The following ZMYM1 variants were observed in gnomAD, a reference collection of about 807,000 sequenced individuals.
ZMYM1 encodes the protein zinc finger MYM-type containing 1.
ZMYM1 carries 39 observed loss-of-function variants against 60.0 expected under a neutral mutation model. That is an observed-to-expected ratio of 0.65 (90% CI 0.50 to 0.85). ZMYM1 has a LOEUF of 0.85. ZMYM1 is among the 40% of genes least tolerant of loss of function. ZMYM1 has a pLI of 0.00. For missense variants in ZMYM1, 1,171 were observed against 1,309.5 expected (o/e 0.89, Z 1.63); for synonymous variants, 413 against 454.0 (o/e 0.91, Z 1.15).
At chr1:35,073,964 T>C (rs1386855641) in intron 1 of ZMYM1, among the ~76,000 whole-genome samples, 1 of 152,118 alleles carries the variant, frequency 6.6e-6, no homozygotes, top group Admixed American at 6.6e-5. Context: ...TTTTCTGTAT[T>C]TTTAGTAGAG....
upstream of ZMYM1, among the ~76,000 whole-genome samples, chr1:35,077,641 G>GC (rs1386721459): frequency 6.6e-6 from 1 of 151,900 alleles, no homozygotes; most frequent in African/African-American, 2.4e-5. Context: ...TGATCTTGTG[G>GC]CCCCCACCAG....
rs548385771 is a variant in ZMYM1 at position 35,096,946 on chromosome 1, C to T, written c.170-371C>T. On this transcript the variant is annotated intron_variant, in intron 3 of 9. Coordinates refer to ENST00000359858, the MANE Select transcript of ZMYM1 (RefSeq NM_024772.5). ...TAAACTCGTGATCCACCCACCTTGC[C>T]TCCCAAAATGCTGGGATTACAGGCG... Among the ~76,000 whole-genome samples the T allele has an allele frequency of 6.6e-5, 10 of 152,332 alleles. No homozygotes were observed. The South Asian group carries it at 2.1e-3, about 32-fold the overall frequency.
At chr1:35,101,567 G>A (rs1347679089) in intron 4 of ZMYM1, among the ~76,000 whole-genome samples, 1 of 150,664 alleles carries the variant, frequency 6.6e-6, no homozygotes, top group Non-Finnish European at 1.5e-5. Flanking sequence ...TATTCTGTCT[G>A]AAAGGTATGC....
At chr1:35,085,050 G>T (rs990160226) in intron 1 of ZMYM1, among the ~76,000 whole-genome samples, 5 of 151,692 alleles carry the variant, frequency 3.3e-5, no homozygotes, top group Non-Finnish European at 4.4e-5. Flanking sequence ...TTTTGTTTTG[G>T]TTTGGTTTTT....
chr1:35,109,867 C>T (rs1644026106), intron 6 of ZMYM1, among the ~76,000 whole-genome samples: 1 of 152,136 alleles, frequency 6.6e-6, no homozygotes, highest in African/African-American at 2.4e-5. Context: ...CTGCCTCAGC[C>T]TCCTGAGTAA....
Position 35,086,982 on chromosome 1 carries a change from C to CTTTTTTT in ZMYM1, c.-74-6912_-74-6906dup, listed in dbSNP as rs1184601007. 2.9e-4 allele frequency among the ~76,000 whole-genome samples: 29 copies of CTTTTTTT among 100,112 alleles called. 2 individuals are homozygous for CTTTTTTT. The highest frequency in any genetic ancestry group is 1.3e-3 in the African/African-American group (29 of 21,620). The allele number at this position is 100,112 out of a possible 152,430, so 65.7% of individuals were successfully genotyped here. A position where few individuals can be genotyped will look rare whatever the true frequency, so the allele number is the denominator to read the frequency against. Reference sequence around the variant, plus strand: ...ACAGGCATGAGCCACCGCACCCAGCCTTTTTTTTTTTTTTTTTTTTTTTTT... The same window carrying CTTTTTTT: ...ACAGGCATGAGCCACCGCACCCAGCCTTTTTTTTTTTTTTTTTTTTTTTTTTTTTTTT... On this transcript the variant is annotated intron_variant, in intron 1 of 9. Transcript: ENST00000359858.
chr1:35,115,243 A>T lies in ZMYM1; in HGVS notation c.3413A>T (p.Gln1138Leu). The T allele has an allele frequency of 1.3e-6, 2 of 1,588,698 alleles. No individual in the cohort carries two copies. The highest frequency in any genetic ancestry group is 1.7e-6 in the Non-Finnish European group (2 of 1,171,732). The change falls in exon 10 of 10, where the codon CAG becomes CTG. Residue 1138 changes from glutamine (Q) to leucine (L), a missense_variant. Physicochemically the swap from Gln to Leu is moderately radical, Grantham distance 113. Transcript: ENST00000359858. The part of the protein sequence containing the change: ...LNEIVEKFIS[Q>L]MKEI ...GAAATTGTGGAAAAGTTTATCAGTC[A>T]GATGAAAGAAATATAATACATGCTC... is the stretch of plus-strand genomic sequence containing the variant.
At chr1:35,073,931 G>A (rs149807104) in intron 1 of ZMYM1, among the ~76,000 whole-genome samples, 65 of 152,182 alleles carry the variant, frequency 4.3e-4, no homozygotes, top group African/African-American at 1.4e-3. Flanking sequence ...TTACAAGTGT[G>A]CGCTATCATG....
At chr1:35,091,395 A>G (rs1642993719) in intron 1 of ZMYM1, among the ~76,000 whole-genome samples, 1 of 151,972 alleles carries the variant, frequency 6.6e-6, no homozygotes, top group Admixed American at 6.6e-5. Context: ...TTGTATTTTT[A>G]GTAGAGACGG....
In ZMYM1 at chr1:35,113,687, T is replaced by G. The variant is rs997560119; in HGVS notation, c.1857T>G (p.Ser619Arg). ...TCTATAACAGTACACAAATTCAAAG[T>G]GATATTATCGAAATAATAAAGACTG... Reference protein sequence around the residue: ...VDFYNSTQIQSDIIEIIKTEM... With the variant: ...VDFYNSTQIQRDIIEIIKTEM... Residue 619 changes from serine to arginine, a missense_variant, in exon 10 of 10, where the codon AGT (serine) becomes AGG (arginine). Transcript: ENST00000359858. 1 of 1,613,420 alleles carries G rather than the reference T, an allele frequency of 6.2e-7. No individual in the cohort carries two copies. Among genetic ancestry groups the G allele is most frequent in the African/African-American group, 1.3e-5 (1 of 74,894 alleles).
At chr1:35,107,377 G>T (rs1643927404) in intron 6 of ZMYM1, among the ~76,000 whole-genome samples, 1 of 151,342 alleles carries the variant, frequency 6.6e-6, no homozygotes, top group African/African-American at 2.4e-5. Flanking sequence ...GCTGAGGCAG[G>T]AGAATGGCAT....
chr1:35,068,593 G>C (rs188255643), intron 1 of ZMYM1, among the ~76,000 whole-genome samples: 1 of 149,750 alleles, frequency 6.7e-6, no homozygotes, highest in African/African-American at 2.4e-5. Context: ...TGAAGAGACA[G>C]CAGACTTTTC....
Position 35,114,799 on chromosome 1 carries a change from A to G in ZMYM1, c.2969A>G (p.Lys990Arg). ...TGTTTTTCGGAGTTTGATTATTGCA[A>G]AATAAAGCAAATTTCAGAACTGTTA... ...KLCFSEFDYC[K>R]IKQISELLFK... Residue 990 changes from lysine (K) to arginine (R), a missense_variant, in exon 10 of 10, where the codon AAA becomes AGA. By Grantham distance (26) the Lys-to-Arg change is conservative. Coordinates refer to ENST00000359858, the MANE Select transcript of ZMYM1 (RefSeq NM_024772.5). 6.2e-7 allele frequency: 1 copy of G among 1,606,884 alleles called. No homozygotes were observed. Among genetic ancestry groups the G allele is most frequent in the Non-Finnish European group, 8.5e-7 (1 of 1,176,546 alleles).
At position 35,094,100 on chromosome 1, in the gene ZMYM1, A is replaced by G. The variant is rs1643178698; in HGVS notation, c.96+17A>G. ...AATGCTCAAGTAAATATTTTCCCTT[A>G]TTTCCATTATTTCTAGAGCAGCATT... On this transcript the variant is annotated intron_variant, in intron 2 of 9. Transcript: ENST00000359858. 6.3e-7 allele frequency: 1 copy of G among 1,590,030 alleles called. No individual in the cohort carries two copies. Among genetic ancestry groups the G allele is most frequent in the East Asian group, 2.2e-5 (1 of 44,534 alleles).
chr1:35,081,015 C>G (rs1382854034), intron 1 of ZMYM1, among the ~76,000 whole-genome samples: 3 of 151,982 alleles, frequency 2.0e-5, no homozygotes, highest in Non-Finnish European at 2.9e-5. Context: ...GCGATCTCAG[C>G]TCACTGCAAC....
At chr1:35,067,219 T>C (rs1180760899) in intron 1 of ZMYM1, among the ~76,000 whole-genome samples, 1 of 152,102 alleles carries the variant, frequency 6.6e-6, no homozygotes, top group African/African-American at 2.4e-5. Flanking sequence ...CCTCAAGTGA[T>C]CTGTCCACCT....
intron 1 of ZMYM1, among the ~76,000 whole-genome samples, chr1:35,061,820 T>TTATTTTTATTTATTTATTTA (rs1553135395): frequency 1.4e-5 from 2 of 145,574 alleles, no homozygotes; most frequent in African/African-American, 5.4e-5. Context: ...TCCCTTTTAT[T>TTATTTTTATTTATTTATTTA]TTTATTTATT....
intron 1 of ZMYM1, among the ~76,000 whole-genome samples, chr1:35,082,077 A>C (rs1055076687): frequency 6.6e-6 from 1 of 152,230 alleles, no homozygotes; most frequent in South Asian, 2.1e-4. Context: ...GTCATCCATG[A>C]ATAATAACAA....
chr1:35,076,446 A>G (rs1380133702), upstream of ZMYM1, among the ~76,000 whole-genome samples: 1 of 151,882 alleles, frequency 6.6e-6, no homozygotes, highest in Non-Finnish European at 1.5e-5. Context: ...ACATGGAGAA[A>G]CCCCATCTCT....
Sources: allele counts gnomAD v4.1 joint callset (sites outside exome capture counted in the v4.1 genomes callset), GRCh38; gene constraint gnomAD v4.1.1; transcripts MANE v1.5; gene names NCBI Gene and HGNC (gene_info 2026-07-23, HGNC 2026-07-21).